Variants in DNAJC5 observed in about 807,000 individuals in gnomAD.
DNAJC5 encodes the protein dnaJ homolog subfamily C member 5.
In DNAJC5, 1 loss-of-function variant was observed where a neutral mutation model predicts 23.2. The observed-to-expected ratio is 0.04, with a 90% confidence interval of 0.02 to 0.20. DNAJC5 has a LOEUF of 0.20. Among genes scored for constraint, DNAJC5 ranks in the 10% least tolerant of loss-of-function variants. The pLI is 1.00. For synonymous variants in DNAJC5, 136 were observed against 120.0 expected, an observed-to-expected ratio of 1.13 and a Z score of -0.87; for missense variants, 180 against 267.0, an observed-to-expected ratio of 0.67 and a Z score of 2.27.
chr20:63,930,793 G>C, intron 3 of DNAJC5, 58 bp from the exon 4 acceptor site: 2 of 1,608,668 alleles, frequency 1.2e-6, no homozygotes, highest in South Asian at 2.2e-5. Flanking sequence ...TGGGAGTCCT[G>C]CGCCTCCCTC....
chr20:63,900,024 G>T lies in DNAJC5; in HGVS notation c.-12+4701G>T, dbSNP rs189083921. On this transcript the variant is annotated intron_variant, in intron 1 of 4. Coordinates refer to ENST00000360864, the MANE Select transcript of DNAJC5 (RefSeq NM_025219.3). ...CTGCCTCAGCCTCCTGGGTTGCTGGGATTACAGGCGCCTGCCATGACACCC... is the reference window on the plus strand; with the variant it reads ...CTGCCTCAGCCTCCTGGGTTGCTGGTATTACAGGCGCCTGCCATGACACCC... Among the ~76,000 whole-genome samples, 81 of 151,992 alleles carry T rather than the reference G, an allele frequency of 5.3e-4. 1 individual carries two copies. Among genetic ancestry groups the T allele is most frequent in the Non-Finnish European group, 7.9e-4 (54 of 67,982 alleles).
At chr20:63,925,825 GTTT>G (rs376376541) in intron 1 of DNAJC5, among the ~76,000 whole-genome samples, 4,126 of 123,828 alleles carry the variant, frequency 0.033, 100 homozygotes, top group African/African-American at 0.12. Context: ...ATTTTATCTG[GTTT>G]TTTTTTTTTT....
intron 1 of DNAJC5, among the ~76,000 whole-genome samples, chr20:63,895,942 C>G (rs573935750): frequency 6.6e-6 from 1 of 152,336 alleles, no homozygotes; most frequent in African/African-American, 2.4e-5. Context: ...CGTTCAGGTT[C>G]TAACTTGTTG....
rs1046748772 is a variant in DNAJC5 at position 63,915,749 on chromosome 20, T to C, written c.-11-12586T>C. Among the ~76,000 whole-genome samples the C allele has an allele frequency of 7.9e-5, 12 of 152,356 alleles. No individual in the cohort carries two copies. In the East Asian group the frequency reaches 2.1e-3, roughly 27 times the overall value. On this transcript the variant is annotated intron_variant, in intron 1 of 4. Coordinates refer to ENST00000360864, the MANE Select transcript of DNAJC5 (RefSeq NM_025219.3). ...GCCTCAGGCTGAGCCTGCCCATTCT[T>C]GGGCACCCAGAAGTTCCACTCTTAG...
At chr20:63,917,001 G>A (rs2053519437) in intron 1 of DNAJC5, among the ~76,000 whole-genome samples, 1 of 152,036 alleles carries the variant, frequency 6.6e-6, no homozygotes, top group Admixed American at 6.6e-5. Context: ...TTGTTCAAAC[G>A]CACGTTTTAC....
chr20:63,922,054 C>T (rs894778823), intron 1 of DNAJC5, among the ~76,000 whole-genome samples: 12 of 151,922 alleles, frequency 7.9e-5, no homozygotes, highest in African/African-American at 1.7e-4. Context: ...GCTGGAATTA[C>T]AGGCGTGAGC....
intron 1 of DNAJC5, among the ~76,000 whole-genome samples, chr20:63,900,261 T>C (rs2053403220): frequency 6.6e-6 from 1 of 152,024 alleles, no homozygotes; most frequent in South Asian, 2.1e-4. Context: ...AAAGAAGTAC[T>C]TAGACCAGGT....
chr20:63,927,566 G>C (rs988944988), intron 1 of DNAJC5, among the ~76,000 whole-genome samples: 5 of 151,758 alleles, frequency 3.3e-5, no homozygotes, highest in Non-Finnish European at 7.4e-5. Context: ...GAAAGAAACT[G>C]TGTGTTCTCT....
rs6122216 is a variant in DNAJC5 at position 63,931,148 on chromosome 20, G to T, written c.493+126G>T. ...TGTGCCGCGAGTGTTTGTGGTGGCA[G>T]CTGGGACTGTTGAGGTGTGAACGTG... On this transcript the variant is annotated intron_variant, in intron 4 of 4. Coordinates refer to ENST00000360864, the MANE Select transcript of DNAJC5 (RefSeq NM_025219.3). This position sits in a 1 kb window ranked among gnomAD's most constrained non-coding sequence, Gnocchi z 9.6. 2.6e-5 allele frequency: 28 copies of T among 1,087,712 alleles called. No homozygotes were observed. The highest frequency in any genetic ancestry group is 3.7e-5 in the Non-Finnish European group (27 of 735,152). The allele number at this position is 1,087,712 out of a possible 1,614,324, so 67.4% of individuals were successfully genotyped here.
intron 1 of DNAJC5, among the ~76,000 whole-genome samples, chr20:63,923,474 C>G (rs944922253): frequency 6.7e-6 from 1 of 149,358 alleles, no homozygotes; most frequent in African/African-American, 2.5e-5. Flanking sequence ...TAGGGTGGCT[C>G]ACACCTGTGA....
rs559976034 is a variant in DNAJC5, at chr20:63,928,560, ACT to A, written c.107+110_107+111del. On this transcript the variant is annotated intron_variant, in intron 2 of 4. Transcript: ENST00000360864. The surrounding 1 kb of genome is among the most constrained non-coding windows in gnomAD (Gnocchi z 4.6). ...CATTGCACATACTTTATCCTGGCCG[ACT>A]CAGCGTTGAACTGGTCACAGCTCGG... 4.1e-4 allele frequency: 380 copies of A among 922,546 alleles called. 2 individuals are homozygous for A. The African/African-American group carries it at 5.4e-3, about 13-fold the overall frequency. 57.1% of individuals were successfully genotyped at this position (922,546 alleles called of 1,614,324 possible).
Position 63,930,671 on chromosome 20 carries a change from C to T in DNAJC5, c.322-180C>T, listed in dbSNP as rs576829482. 4.6e-5 allele frequency among the ~76,000 whole-genome samples: 7 copies of T among 152,324 alleles called. No homozygotes were observed. The East Asian group carries it at 5.8e-4, about 13-fold the overall frequency. The stretch of plus-strand genomic sequence containing the variant: ...TTGGAGGCTGCTTTTCTTTAAGCTG[C>T]GGGTTTCTTTCTGTCTCTCCTCCTC... On this transcript the variant is annotated intron_variant, in intron 3 of 4. Transcript: ENST00000360864.
At chr20:63,899,623 C>T (rs548427146) in intron 1 of DNAJC5, among the ~76,000 whole-genome samples, 45 of 152,290 alleles carry the variant, frequency 3.0e-4, no homozygotes, top group Non-Finnish European at 2.6e-4. Flanking sequence ...ATTCTCTCAC[C>T]CAGGCTGGAG....
At chr20:63,912,831 T>A (rs138577644) in intron 1 of DNAJC5, among the ~76,000 whole-genome samples, 161 of 152,202 alleles carry the variant, frequency 1.1e-3, no homozygotes, top group African/African-American at 3.8e-3. Context: ...ATGGTCTTGA[T>A]CTCCTGACCT....
At chr20:63,922,228 G>A (rs2053579259) in intron 1 of DNAJC5, among the ~76,000 whole-genome samples, 2 of 152,022 alleles carry the variant, frequency 1.3e-5, no homozygotes, top group South Asian at 4.1e-4. Context: ...TCGAGAGGCC[G>A]AGGCAGGCGG....
chr20:63,930,647 T>TG (rs1476072028), intron 3 of DNAJC5, among the ~76,000 whole-genome samples: 1 of 152,202 alleles, frequency 6.6e-6, no homozygotes, highest in African/African-American at 2.4e-5. Context: ...ACGCCCGTCT[T>TG]GGAGGCTGCT....
chr20:63,902,255 C>T (rs982760384), intron 1 of DNAJC5, among the ~76,000 whole-genome samples: 6 of 151,324 alleles, frequency 4.0e-5, no homozygotes, highest in African/African-American at 1.2e-4. Flanking sequence ...GGGGTTTCAC[C>T]GTGTTAGCCA....
At chr20:63,905,066 A>G (rs1238959774) in intron 1 of DNAJC5, among the ~76,000 whole-genome samples, 1 of 149,058 alleles carries the variant, frequency 6.7e-6, no homozygotes, top group Non-Finnish European at 1.5e-5. Flanking sequence ...CGGCCTCCCA[A>G]AGTGTCAGGA....
rs574323626 is a variant in DNAJC5 at position 63,920,493 on chromosome 20, G to T, written c.-11-7842G>T. Among the ~76,000 whole-genome samples, 66 of 152,332 alleles carry T rather than the reference G, an allele frequency of 4.3e-4. 1 individual carries two copies. In the South Asian group the frequency reaches 0.013, roughly 31 times the overall value. On this transcript the variant is annotated intron_variant, in intron 1 of 4. Transcript: ENST00000360864. This position sits in a 1 kb window ranked among gnomAD's most constrained non-coding sequence, Gnocchi z 4.6. ...AAGGAGCCGAGGTCATAGAGTGGCT[G>T]CCCTGGCGTAGGGAGGGAGGACACG...
Sources: allele counts gnomAD v4.1 joint callset (sites outside exome capture counted in the v4.1 genomes callset), GRCh38; gene constraint gnomAD v4.1.1; non-coding constraint Gnocchi (gnomAD v3.1); transcripts MANE v1.5; gene names NCBI Gene and HGNC (gene_info 2026-07-23, HGNC 2026-07-21).